The following SART3 variants were observed in gnomAD, a reference collection of about 807,000 sequenced individuals.
SART3 encodes the protein spliceosome associated factor 3, U4/U6 recycling protein, also known as HIV-1 Tat-interacting protein of 110kDa.
Under a neutral mutation model 122.3 loss-of-function variants are expected in SART3, and 44 were observed. That is an observed-to-expected ratio of 0.36 (90% CI 0.28 to 0.46). The LOEUF is 0.46. SART3 is among the 20% of genes least tolerant of loss of function. The pLI is 1.00. For missense variants in SART3, 1,101 were observed against 1,229.0 expected, an observed-to-expected ratio of 0.90 and a Z score of 1.56; for synonymous variants, 442 against 454.0, an observed-to-expected ratio of 0.97 and a Z score of 0.34.
chr12:108,560,433 C>T (rs964070696), intron 1 of SART3: 30 of 308,624 alleles, frequency 9.7e-5, no homozygotes, highest in African/African-American at 5.5e-4. Flanking sequence ...TCATCGCCGT[C>T]ATTCCTACAT....
intron 7 of SART3, 72 bp downstream of exon 7, chr12:108,538,862 C>G: frequency 3.1e-6 from 5 of 1,588,270 alleles, no homozygotes; most frequent in East Asian, 2.2e-5. Context: ...CAACAAACTC[C>G]TGGCACTCTT....
intron 1 of SART3, chr12:108,560,608 G>T (rs1171347884): frequency 2.1e-6 from 1 of 480,576 alleles, no homozygotes; most frequent in Non-Finnish European, 3.7e-6. Flanking sequence ...CAGTAAAATG[G>T]GGATAGATAA....
rs1479069633 is a variant in SART3, at chr12:108,535,255, C to A, written c.1556+104G>T. The A allele has an allele frequency of 7.1e-5, 61 of 861,112 alleles. No homozygotes were observed. The South Asian group carries it at 7.2e-4, about 10-fold the overall frequency. 53.3% of individuals were successfully genotyped at this position (861,112 alleles called of 1,614,324 possible). A position where few individuals can be genotyped will look rare whatever the true frequency, so the allele number is the denominator to read the frequency against. ...AAAGAGACAGAATGAAAGAAAACAG[C>A]CCAGTTCTAAGGAGCTAGTCCAAGC... On this transcript the variant is annotated intron_variant, in intron 12 of 18. Transcript: ENST00000546815.
chr12:108,550,505 T>C (rs1011121399), intron 1 of SART3, among the ~76,000 whole-genome samples: 1 of 152,222 alleles, frequency 6.6e-6, no homozygotes, highest in South Asian at 2.1e-4. Flanking sequence ...ACTCCGTATA[T>C]TTTAATACCC....
At chr12:108,529,838 C>T (rs11113978) in intron 15 of SART3, among the ~76,000 whole-genome samples, 30,211 of 151,934 alleles carry the variant, frequency 0.2, 3,859 homozygotes, top group East Asian at 0.49. Flanking sequence ...GCTCCAGACT[C>T]AAGGAGATCC....
Position 108,547,877 on chromosome 12 carries a change from G to T in SART3, c.544+10C>A. 6.2e-7 allele frequency: 1 copy of T among 1,605,804 alleles called. No homozygotes were observed. Among genetic ancestry groups the T allele is most frequent in the South Asian group, 1.1e-5 (1 of 90,842 alleles). ...TGCCAGATATCCAAAAAAAGTCCACGGGAACTTACAAATGTAATCCTTCAC... is the reference window on the plus strand; with the variant it reads ...TGCCAGATATCCAAAAAAAGTCCACTGGAACTTACAAATGTAATCCTTCAC... On this transcript the variant is annotated intron_variant, in intron 3 of 18. Coordinates refer to ENST00000546815, the MANE Select transcript of SART3 (RefSeq NM_014706.4).
rs1474578510 is a variant in SART3, at chr12:108,539,081, T to C, written c.915A>G (p.Ala305=). The change falls in exon 7 of 19, where the codon GCA becomes GCG. Residue 305 remains alanine (A), a synonymous_variant. Coordinates refer to ENST00000546815, the MANE Select transcript of SART3 (RefSeq NM_014706.4). ...YKPYEEALLQ[A]EAPRLAEYQA... is the part of the protein sequence containing the mutation. The stretch of plus-strand genomic sequence containing the variant: ...GATATTCTGCCAGCCTTGGTGCCTC[T>C]GCCTGCAACTGGAGTACAGGAAAAT... 1 of 1,614,198 alleles carries C rather than the reference T, an allele frequency of 6.2e-7. No individual in the cohort carries two copies. The highest frequency in any genetic ancestry group is 8.5e-7 in the Non-Finnish European group (1 of 1,180,022).
chr12:108,560,788 G>A (rs773894955), intron 1 of SART3, 55 bp downstream of exon 1: 4 of 1,502,556 alleles, frequency 2.7e-6, no homozygotes, highest in East Asian at 4.6e-5. Context: ...CCAGGACATG[G>A]GGACCCGAGG....
Position 108,537,707 on chromosome 12 carries a change from C to T in SART3, c.1202-112G>A, listed in dbSNP as rs183753133. The T allele has an allele frequency of 1.8e-3, 1,466 of 812,140 alleles. 2 individuals carry two copies. The highest frequency in any genetic ancestry group is 3.8e-3 in the Admixed American group (190 of 49,996). The allele number at this position is 812,140 out of a possible 1,614,324, so 50.3% of individuals were successfully genotyped here. A position where few individuals can be genotyped will look rare whatever the true frequency, so the allele number is the denominator to read the frequency against. On this transcript the variant is annotated intron_variant, in intron 8 of 18. Transcript: ENST00000546815. ...ACATGACTTTAAAGACTAATAGATG[C>T]AACAGAATGAAATGAGCTAGACAGG...
chr12:108,525,855 G>A (rs1156934363), intron 16 of SART3: 8 of 619,518 alleles, frequency 1.3e-5, no homozygotes, highest in Non-Finnish European at 2.3e-5. Context: ...AGGAGTCAAT[G>A]AGCTGACACA....
chr12:108,550,582 GC>G (rs2029964468), intron 1 of SART3, among the ~76,000 whole-genome samples: 1 of 151,992 alleles, frequency 6.6e-6, no homozygotes, highest in Admixed American at 6.6e-5. Flanking sequence ...AATCAAGATG[GC>G]TGGGCATGGT....
chr12:108,536,461 G>C, intron 11 of SART3, 53 bp downstream of exon 11: 2 of 1,512,664 alleles, frequency 1.3e-6, no homozygotes, highest in Non-Finnish European at 1.8e-6. Context: ...AGTTTAATAG[G>C]ATGCTATTAA....
intron 3 of SART3, among the ~76,000 whole-genome samples, chr12:108,546,283 T>C (rs554672249): frequency 6.6e-6 from 1 of 152,250 alleles, no homozygotes; most frequent in South Asian, 2.1e-4. Flanking sequence ...CACTGCACCC[T>C]CTACCTCCTG....
chr12:108,542,904 G>T, intron 6 of SART3, 124 bp downstream of exon 6: 2 of 1,280,344 alleles, frequency 1.6e-6, no homozygotes, highest in Non-Finnish European at 2.2e-6. Context: ...TAAACTGTAC[G>T]TATACATTTA....
intron 16 of SART3, 47 bp from the exon 17 acceptor site, chr12:108,525,656 C>A (rs1162243622): frequency 6.3e-7 from 1 of 1,593,008 alleles, no homozygotes; most frequent in Non-Finnish European, 8.6e-7. Flanking sequence ...CGAGGCATGA[C>A]CCAGCTCACC....
At chr12:108,542,947 A>G in intron 6 of SART3, 81 bp downstream of exon 6, 1 of 1,546,670 alleles carries the variant, frequency 6.5e-7, no homozygotes, top group African/African-American at 1.4e-5. Flanking sequence ...AAAACATTTT[A>G]AAGATACTGT....
At chr12:108,544,546 T>C in intron 4 of SART3, 68 bp from the exon 5 acceptor site, 1 of 1,608,410 alleles carries the variant, frequency 6.2e-7, no homozygotes, top group Non-Finnish European at 8.5e-7. Context: ...AAGAAGCAAA[T>C]TAGTAGTAAA....
chr12:108,533,967 C>T (rs1428769597), intron 12 of SART3, among the ~76,000 whole-genome samples: 3 of 152,166 alleles, frequency 2.0e-5, no homozygotes. Flanking sequence ...AAATACCTTT[C>T]TTTCCTAACC....
At chr12:108,537,978 G>C in intron 8 of SART3, 87 bp downstream of exon 8, 1 of 1,554,054 alleles carries the variant, frequency 6.4e-7, no homozygotes, top group Non-Finnish European at 8.9e-7. Context: ...AAACCCCAGG[G>C]AACACTGATG....
Sources: gnomAD v4.1 joint callset for allele counts (sites outside exome capture counted in the v4.1 genomes callset) on GRCh38, gnomAD v4.1.1 for gene constraint, MANE v1.5 for transcripts, NCBI Gene and HGNC (gene_info 2026-07-23, HGNC 2026-07-21) for gene names.